GPC6: variants seen among roughly 807,000 people sequenced by gnomAD.
GPC6 encodes the protein glypican 6, also known as glypican-6.
A neutral mutation model predicts 55.2 loss-of-function variants in GPC6; 14 were observed. The ratio of observed to expected loss-of-function variants is 0.25; its 90% CI spans 0.17 to 0.40. GPC6 has a LOEUF of 0.40. Among genes scored for constraint, GPC6 ranks in the 10% least tolerant of loss-of-function variants. The pLI, the probability that GPC6 is intolerant of heterozygous loss-of-function variation, is 1.00. For missense variants in GPC6, 641 were observed against 708.5 expected (o/e 0.90, Z 1.08); for synonymous variants, 278 against 259.6 (o/e 1.07, Z -0.68).
chr13:94,352,354 C>G (rs1396124692), intron 6 of GPC6, among the ~76,000 whole-genome samples: 6 of 151,414 alleles, frequency 4.0e-5, no homozygotes, highest in Non-Finnish European at 8.8e-5. Context: ...TGCTAGTCCA[C>G]TCTCCTCTCT....
intron 3 of GPC6, among the ~76,000 whole-genome samples, chr13:93,923,785 C>T (rs1173618156): frequency 6.6e-6 from 1 of 152,216 alleles, no homozygotes; most frequent in Non-Finnish European, 1.5e-5. Context: ...GTACTTTACA[C>T]AATTACTGTC....
chr13:93,551,239 A>G (rs1875142256), intron 2 of GPC6, among the ~76,000 whole-genome samples: 1 of 152,066 alleles, frequency 6.6e-6, no homozygotes, highest in African/African-American at 2.4e-5. Flanking sequence ...GACATTTAGC[A>G]TATATCTGTT....
At chr13:94,363,499 T>G (rs9524460) in intron 6 of GPC6, among the ~76,000 whole-genome samples, 1 of 152,156 alleles carries the variant, frequency 6.6e-6, no homozygotes, top group African/African-American at 2.4e-5. Flanking sequence ...TTCTGTTGAT[T>G]TGAAATGCAA....
At chr13:94,279,066 TG>T (rs1183836671) in intron 4 of GPC6, among the ~76,000 whole-genome samples, 4 of 152,172 alleles carry the variant, frequency 2.6e-5, no homozygotes, top group African/African-American at 9.7e-5. Context: ...TGTCTGGTCC[TG>T]GGCTTTTTTT....
chr13:93,379,867 C>T (rs1316724058), intron 1 of GPC6, among the ~76,000 whole-genome samples: 6 of 150,494 alleles, frequency 4.0e-5, no homozygotes, highest in South Asian at 2.1e-4. Flanking sequence ...AAGGTGCTAT[C>T]GTCTTTAAAA....
chr13:93,973,674 T>G lies in GPC6; in HGVS notation c.712-54055T>G, dbSNP rs144180819. On this transcript the variant is annotated intron_variant, in intron 3 of 8. Transcript: ENST00000377047. Reference sequence around the variant, plus strand: ...TGAAAATGGTAATATCTCTAAAGATTTGAGTGCCTTTCTCACCAATATTTA... The same window carrying G: ...TGAAAATGGTAATATCTCTAAAGATGTGAGTGCCTTTCTCACCAATATTTA... Among the ~76,000 whole-genome samples, 886 of 152,292 alleles carry G rather than the reference T, an allele frequency of 5.8e-3. 4 individuals carry two copies. Among genetic ancestry groups the G allele is most frequent in the Non-Finnish European group, 9.7e-3 (657 of 68,016 alleles).
At chr13:94,247,801 C>T (rs1024163846) in intron 4 of GPC6, among the ~76,000 whole-genome samples, 8 of 151,876 alleles carry the variant, frequency 5.3e-5, no homozygotes, top group Admixed American at 5.3e-4. Flanking sequence ...AGATATTGGC[C>T]TGTTGTTTTC....
chr13:93,691,017 A>G (rs1338563866), intron 2 of GPC6, among the ~76,000 whole-genome samples: 1 of 152,040 alleles, frequency 6.6e-6, no homozygotes, highest in Non-Finnish European at 1.5e-5. Flanking sequence ...TCTCTGACCC[A>G]TTTTTAATCT....
intron 4 of GPC6, among the ~76,000 whole-genome samples, chr13:94,034,418 G>C (rs148363835): frequency 1.3e-5 from 2 of 152,016 alleles, no homozygotes; most frequent in Non-Finnish European, 2.9e-5. Flanking sequence ...ATAATGTGTG[G>C]GTATTCAGCA....
chr13:93,751,650 T>G (rs111754633), intron 2 of GPC6, among the ~76,000 whole-genome samples: 1,785 of 152,080 alleles, frequency 0.012, 36 homozygotes, highest in African/African-American at 0.041. Context: ...GCCTCCCAAG[T>G]AGCTGAGACT....
At chr13:94,221,356 T>A (rs747402391) in intron 4 of GPC6, among the ~76,000 whole-genome samples, 2 of 152,056 alleles carry the variant, frequency 1.3e-5, no homozygotes, top group Non-Finnish European at 2.9e-5. Context: ...AATAAGCAAA[T>A]GAAACTAATA....
chr13:94,257,048 T>C (rs1047817952), intron 4 of GPC6, among the ~76,000 whole-genome samples: 1 of 152,222 alleles, frequency 6.6e-6, no homozygotes, highest in African/African-American at 2.4e-5. Flanking sequence ...GAAAAGCTCA[T>C]TTAACAAGTG....
intron 2 of GPC6, among the ~76,000 whole-genome samples, chr13:93,699,511 A>T (rs1006873558): frequency 2.6e-5 from 4 of 152,122 alleles, no homozygotes; most frequent in Non-Finnish European, 5.9e-5. Context: ...TGTCATCTTG[A>T]TAGACCCATA....
At chr13:94,174,572 G>A (rs536127808) in intron 4 of GPC6, among the ~76,000 whole-genome samples, 4 of 152,160 alleles carry the variant, frequency 2.6e-5, no homozygotes, top group South Asian at 4.2e-4. Flanking sequence ...AAAGCAGAAG[G>A]TCAGTGAACA....
At position 93,547,300 on chromosome 13, in the gene GPC6, C is replaced by T. The variant is rs112492586; in HGVS notation, c.319+1879C>T. Among the ~76,000 whole-genome samples the T allele has an allele frequency of 3.8e-3, 579 of 152,218 alleles. 3 individuals carry two copies. The highest frequency in any genetic ancestry group is 0.013 in the African/African-American group (546 of 41,544). On this transcript the variant is annotated intron_variant, in intron 2 of 8. Transcript: ENST00000377047. ...GGTGGAGGTTGCAGTGAGCCGAGAT[C>T]GTGCCAGTACACTCCAGCCTGGGCA... is the stretch of plus-strand genomic sequence containing the variant.
At chr13:93,612,622 G>A (rs1357477560) in intron 2 of GPC6, among the ~76,000 whole-genome samples, 1 of 151,998 alleles carries the variant, frequency 6.6e-6, no homozygotes, top group Non-Finnish European at 1.5e-5. Flanking sequence ...GGTTAAAATA[G>A]AGGGTTACAA....
Position 94,017,562 on chromosome 13 carries a change from C to G in GPC6, c.712-10167C>G, listed in dbSNP as rs942087042. ...ATTCAAAATTATCTCCTAGGCCTGCCCTTGATAGGTGGGGAGTTTTACAAT... is the reference window on the plus strand; with the variant it reads ...ATTCAAAATTATCTCCTAGGCCTGCGCTTGATAGGTGGGGAGTTTTACAAT... On this transcript the variant is annotated intron_variant, in intron 3 of 8. Coordinates refer to ENST00000377047, the MANE Select transcript of GPC6 (RefSeq NM_005708.5). Among the ~76,000 whole-genome samples, 6 of 152,006 alleles carry G rather than the reference C, an allele frequency of 3.9e-5. 1 individual carries two copies. The highest frequency in any genetic ancestry group is 8.8e-5 in the Non-Finnish European group (6 of 68,014).
intron 1 of GPC6, among the ~76,000 whole-genome samples, chr13:93,512,925 A>G (rs1201465969): frequency 2.6e-5 from 4 of 152,188 alleles, no homozygotes; most frequent in Admixed American, 2.6e-4. Context: ...TTTCTAAAGT[A>G]TATATGAAAA....
chr13:93,252,436 C>G (rs1335507639), intron 1 of GPC6, among the ~76,000 whole-genome samples: 1 of 152,192 alleles, frequency 6.6e-6, no homozygotes, highest in African/African-American at 2.4e-5. Context: ...TTTGTGCACA[C>G]TCGTGACAAT....
Sources: gnomAD v4.1 joint callset for allele counts (sites outside exome capture counted in the v4.1 genomes callset) on GRCh38, gnomAD v4.1.1 for gene constraint, MANE v1.5 for transcripts, NCBI Gene and HGNC (gene_info 2026-07-23, HGNC 2026-07-21) for gene names.